SLCO1B1: variants seen among roughly 807,000 people sequenced by gnomAD.
SLCO1B1 encodes the protein OATP-2.
Under a neutral mutation model 70.1 loss-of-function variants are expected in SLCO1B1, and 81 were observed. The ratio of observed to expected loss-of-function variants is 1.16; its 90% CI spans 0.97 to 1.39. The LOEUF (loss-of-function observed/expected upper bound fraction) is 1.39, where lower values mean the gene tolerates loss of function less well. Ranked by LOEUF, SLCO1B1 falls within the 40% of genes most tolerant of loss-of-function variation. The probability of loss-of-function intolerance (pLI) is 0.00; values close to 1 mark genes in which losing one functional copy is unlikely to be tolerated. For missense variants in SLCO1B1, 895 were observed against 799.6 expected, an observed-to-expected ratio of 1.12 and a Z score of -1.44; for synonymous variants, 283 against 271.5, an observed-to-expected ratio of 1.04 and a Z score of -0.42.
intron 7 of SLCO1B1, among the ~76,000 whole-genome samples, 180 bp from the exon 8 acceptor site, chr12:21,196,766 G>T (rs535886456): frequency 5.9e-5 from 9 of 152,242 alleles, no homozygotes; most frequent in African/African-American, 2.2e-4. Context: ...GACAGTATCT[G>T]TTGCATTATG....
chr12:21,169,477 T>C (rs1940731992), intron 2 of SLCO1B1, among the ~76,000 whole-genome samples: 1 of 152,142 alleles, frequency 6.6e-6, no homozygotes, highest in African/African-American at 2.4e-5. Flanking sequence ...CCTGATTTTT[T>C]CTTCTGCCTA....
chr12:21,234,330 T>C (rs141378713), intron 14 of SLCO1B1, among the ~76,000 whole-genome samples: 3 of 152,188 alleles, frequency 2.0e-5, no homozygotes, highest in Admixed American at 2.0e-4. Flanking sequence ...TGATCTTAGG[T>C]TTTACAATAG....
chr12:21,183,017 T>TG (rs1035996414), intron 7 of SLCO1B1, among the ~76,000 whole-genome samples: 24 of 152,220 alleles, frequency 1.6e-4, no homozygotes, highest in Admixed American at 5.2e-4. Flanking sequence ...AGCGGGAGAT[T>TG]GGGGGGGTGT....
chr12:21,173,678 A>G (rs1047896901), intron 3 of SLCO1B1, among the ~76,000 whole-genome samples: 1 of 149,222 alleles, frequency 6.7e-6, no homozygotes, highest in Non-Finnish European at 1.5e-5. Flanking sequence ...AATTATTTTT[A>G]TGCTATTTTT....
Position 21,172,667 on chromosome 12 carries a change from G to T in SLCO1B1, c.102G>T (p.Leu34=). ...TTTCTTAGATGTTCTTGGCAGCTCTGTCACTCAGCTTTATTGCTAAGACAC... is the reference window on the plus strand; with the variant it reads ...TTTCTTAGATGTTCTTGGCAGCTCTTTCACTCAGCTTTATTGCTAAGACAC... ...CNGLKMFLAA[L]SLSFIAKTLG... Residue 34 remains leucine (L), a synonymous_variant, in exon 3 of 15, where the codon CTG becomes CTT. Transcript: ENST00000256958. 1 of 1,613,688 alleles carries T rather than the reference G, an allele frequency of 6.2e-7. No homozygotes were observed. The highest frequency in any genetic ancestry group is 8.5e-7 in the Non-Finnish European group (1 of 1,179,894).
At chr12:21,211,710 A>G (rs1358812557) in intron 11 of SLCO1B1, among the ~76,000 whole-genome samples, 3 of 152,266 alleles carry the variant, frequency 2.0e-5, no homozygotes, top group Non-Finnish European at 2.9e-5. Flanking sequence ...TTTGGTTGGT[A>G]AGCTACTGAT....
chr12:21,183,400 T>C (rs1940929119), intron 7 of SLCO1B1, among the ~76,000 whole-genome samples: 1 of 152,192 alleles, frequency 6.6e-6, no homozygotes, highest in Non-Finnish European at 1.5e-5. Flanking sequence ...TTTTCCATGT[T>C]GCCCAGGCTG....
At chr12:21,151,881 T>G (rs908491036) in intron 2 of SLCO1B1, among the ~76,000 whole-genome samples, 4 of 152,098 alleles carry the variant, frequency 2.6e-5, no homozygotes, top group Admixed American at 6.6e-5. Flanking sequence ...TTTTGGGCAT[T>G]TATACAACTT....
chr12:21,237,237 G>T (rs184769112), intron 14 of SLCO1B1, among the ~76,000 whole-genome samples: 13 of 151,960 alleles, frequency 8.6e-5, no homozygotes, highest in Admixed American at 8.5e-4. Flanking sequence ...ACCTATATGA[G>T]TCTCTCTAAA....
chr12:21,148,254 T>C (rs1187840331), intron 2 of SLCO1B1, among the ~76,000 whole-genome samples: 2 of 152,178 alleles, frequency 1.3e-5, no homozygotes, highest in Non-Finnish European at 2.9e-5. Flanking sequence ...TGCCATTGCT[T>C]TTTGTGTTTT....
intron 7 of SLCO1B1, among the ~76,000 whole-genome samples, chr12:21,186,022 G>A (rs1001620908): frequency 2.0e-5 from 3 of 151,704 alleles, no homozygotes; most frequent in Admixed American, 6.6e-5. Context: ...TGAACAGACC[G>A]ATAACAAGTT....
At chr12:21,203,667 T>C (rs1381824765) in intron 10 of SLCO1B1, among the ~76,000 whole-genome samples, 3 of 152,152 alleles carry the variant, frequency 2.0e-5, no homozygotes, top group African/African-American at 7.2e-5. Context: ...AATTCTGAAC[T>C]GTTATTGGTA....
At chr12:21,156,178 T>A (rs1314321395) in intron 2 of SLCO1B1, among the ~76,000 whole-genome samples, 1 of 152,136 alleles carries the variant, frequency 6.6e-6, no homozygotes, top group Non-Finnish European at 1.5e-5. Context: ...AATGGAGACC[T>A]TTGAATGCTA....
intron 14 of SLCO1B1, among the ~76,000 whole-genome samples, chr12:21,233,992 T>A (rs1355381694): frequency 6.6e-6 from 1 of 152,186 alleles, no homozygotes; most frequent in Non-Finnish European, 1.5e-5. Flanking sequence ...TCAAGAAAGA[T>A]CTTACTTATC....
At chr12:21,225,590 T>C (rs1941474655) in intron 14 of SLCO1B1, among the ~76,000 whole-genome samples, 1 of 152,034 alleles carries the variant, frequency 6.6e-6, no homozygotes, top group South Asian at 2.1e-4. Context: ...AGACAAAATA[T>C]TTATAAAATC....
rs1253154165 is a variant in SLCO1B1, at chr12:21,181,635, C to T, written c.727+2615C>T. Among the ~76,000 whole-genome samples the T allele has an allele frequency of 2.0e-5, 3 of 152,008 alleles. No individual in the cohort carries two copies. In the East Asian group the frequency reaches 5.8e-4, roughly 29 times the overall value. ...TGGTGTGTGTTTCTGTATGCATATG[C>T]TTTTTTATTTCTTATTATTTTTCTT... On this transcript the variant is annotated intron_variant, in intron 7 of 14. Coordinates refer to ENST00000256958, the MANE Select transcript of SLCO1B1 (RefSeq NM_006446.5).
chr12:21,217,503 A>T (rs1192711746), intron 12 of SLCO1B1, among the ~76,000 whole-genome samples, 200 bp downstream of exon 12: 1 of 152,162 alleles, frequency 6.6e-6, no homozygotes, highest in East Asian at 1.9e-4. Context: ...TTCCATTAAA[A>T]GTCCAGATTC....
At chr12:21,222,391 AAAAAAAATATAT>A in intron 13 of SLCO1B1, 27 bp downstream of exon 13, 1 of 277,802 alleles carries the variant, frequency 3.6e-6, no homozygotes. Context: ...AAAAAAAAAA[AAAAAAAATATAT>A]ATATATATAT....
chr12:21,162,253 A>G (rs1173581150), intron 2 of SLCO1B1, among the ~76,000 whole-genome samples: 1 of 152,058 alleles, frequency 6.6e-6, no homozygotes, highest in Non-Finnish European at 1.5e-5. Flanking sequence ...AGGAACACTT[A>G]AAAATATTTT....
Sources: gnomAD v4.1 joint callset for allele counts (sites outside exome capture counted in the v4.1 genomes callset) on GRCh38, gnomAD v4.1.1 for gene constraint, MANE v1.5 for transcripts, NCBI Gene and HGNC (gene_info 2026-07-23, HGNC 2026-07-21) for gene names.